Variants in SMYD4 observed in about 807,000 individuals in gnomAD.
The protein encoded by SMYD4 is protein-lysine N-methyltransferase SMYD4.
A neutral mutation model predicts 72.8 loss-of-function variants in SMYD4; 68 were observed. The ratio of observed to expected loss-of-function variants is 0.93; its 90% CI spans 0.77 to 1.14. The LOEUF (loss-of-function observed/expected upper bound fraction) is 1.14, where lower values mean the gene tolerates loss of function less well. Among genes scored for constraint, SMYD4 ranks in the 50% most tolerant of loss-of-function variants. The pLI is 0.00. For missense variants in SMYD4, 984 were observed against 1,003.7 expected (o/e 0.98, Z 0.27); for synonymous variants, 407 against 388.6 (o/e 1.05, Z -0.56).
At chr17:1,807,463 C>T (rs1042384884) in intron 3 of SMYD4, among the ~76,000 whole-genome samples, 1 of 151,416 alleles carries the variant, frequency 6.6e-6, no homozygotes, top group Non-Finnish European at 1.5e-5. Flanking sequence ...AGGGTTCAAG[C>T]GATTCTCCTG....
intron 8 of SMYD4, chr17:1,783,958 G>T: frequency 3.4e-6 from 1 of 289,952 alleles, no homozygotes. Context: ...TCTGAGGAGG[G>T]AAGAACCGCC....
At chr17:1,786,789 G>A (rs750082509) in intron 7 of SMYD4, 21 bp downstream of exon 7, 2 of 1,613,590 alleles carry the variant, frequency 1.2e-6, no homozygotes, top group Non-Finnish European at 1.7e-6. Context: ...GAAAAGTGGA[G>A]GAGACAGAAG....
rs754884796 is a variant in SMYD4 at position 1,786,813 on chromosome 17, C to T, written c.1881G>A (p.Met627Ile). 18 of 1,614,172 alleles carry T rather than the reference C, an allele frequency of 1.1e-5. No individual in the cohort carries two copies. The highest frequency in any genetic ancestry group is 1.5e-5 in the Non-Finnish European group (18 of 1,180,042). ...AGGAGACAGAAGAGAGAATTACCTG[C>T]ATGGGCGCTCCGCAACTGTTGCAAC... Reference protein sequence around the residue: ...AFCCNSCGAPMQGDDVLRCGS... With the variant: ...AFCCNSCGAPIQGDDVLRCGS... Residue 627 changes from methionine to isoleucine, a missense_variant, in exon 7 of 11, where the codon ATG becomes ATA. Transcript: ENST00000305513.
intron 6 of SMYD4, 78 bp downstream of exon 6, chr17:1,787,344 C>T (rs145403880): frequency 4.6e-4 from 691 of 1,516,858 alleles, no homozygotes; most frequent in Non-Finnish European, 5.7e-4. Context: ...AAGTCACATG[C>T]CTGGTGGCTT....
intron 3 of SMYD4, among the ~76,000 whole-genome samples, chr17:1,805,181 C>T (rs184506208): frequency 6.6e-6 from 1 of 152,076 alleles, no homozygotes; most frequent in East Asian, 1.9e-4. Context: ...CTTTGGGAGG[C>T]TGAGGCATGT....
chr17:1,799,915 C>G lies in SMYD4; in HGVS notation c.1479G>C (p.Leu493=). The G allele has an allele frequency of 1.2e-6, 2 of 1,613,724 alleles. No homozygotes were observed. The highest frequency in any genetic ancestry group is 1.1e-5 in the South Asian group (1 of 91,052). ...TACACTGAAGCTGTAACATGTGTCT[C>G]AGCATCGCCACTCCCCAAATAGTCA... The part of the protein sequence containing the change: ...PDVTIWGVAM[L]RHMLQLQCNA... The change falls in exon 5 of 11, where the codon CTG becomes CTC. Residue 493 remains leucine, a synonymous_variant. Transcript: ENST00000305513.
intron 3 of SMYD4, 134 bp downstream of exon 3, chr17:1,811,837 G>T: frequency 1.1e-6 from 1 of 884,428 alleles, no homozygotes; most frequent in Non-Finnish European, 1.7e-6. Flanking sequence ...TAAGGTGGGA[G>T]GATCGCTTGA....
intron 7 of SMYD4, 38 bp downstream of exon 7, chr17:1,786,772 C>T: frequency 8.7e-6 from 14 of 1,612,604 alleles, no homozygotes; most frequent in Non-Finnish European, 1.2e-5. Flanking sequence ...GGAAAACTGA[C>T]CTCCAGGAAA....
intron 4 of SMYD4, chr17:1,804,353 T>C (rs558426046): frequency 3.2e-6 from 1 of 315,954 alleles, no homozygotes. Context: ...ATCCCTGTAT[T>C]TTTAGTAGAG....
At chr17:1,782,868 A>AT in intron 10 of SMYD4, 167 bp downstream of exon 10, 3 of 1,123,262 alleles carry the variant, frequency 2.7e-6, no homozygotes, top group South Asian at 3.7e-5. Flanking sequence ...CCAGGAGGAA[A>AT]TTCTAAAGCG....
At chr17:1,804,336 A>G (rs34106114) in intron 4 of SMYD4, 52,250 of 296,228 alleles carry the variant, frequency 0.18, 4,913 homozygotes, top group Non-Finnish European at 0.2. Context: ...ACACCCGGCT[A>G]ATTTTTATCC....
intron 2 of SMYD4, among the ~76,000 whole-genome samples, chr17:1,817,009 T>A (rs1597394606): frequency 6.6e-6 from 1 of 151,930 alleles, no homozygotes; most frequent in African/African-American, 2.4e-5. Context: ...CTGTGGGTTA[T>A]CCTTTCACTC....
chr17:1,817,298 A>T (rs962079449), intron 2 of SMYD4, among the ~76,000 whole-genome samples: 1 of 151,684 alleles, frequency 6.6e-6, no homozygotes, highest in African/African-American at 2.4e-5. Context: ...TCAGCCTCCC[A>T]AAGTGCTGGG....
At position 1,800,107 on chromosome 17, in the gene SMYD4, C is replaced by A; in HGVS notation, c.1287G>T (p.Leu429Phe). The change falls in exon 5 of 11, where the codon TTG becomes TTT. Residue 429 changes from leucine to phenylalanine, a missense_variant. Transcript: ENST00000305513. Reference protein sequence around the residue: ...ENNYNAVFNLLPHTENHSPEH... With the variant: ...ENNYNAVFNLFPHTENHSPEH... Reference sequence around the variant, plus strand: ...CTGGGCTATGGTTTTCAGTGTGGGGCAAAAGGTTGAAGACAGCATTATAAT... The same window carrying A: ...CTGGGCTATGGTTTTCAGTGTGGGGAAAAAGGTTGAAGACAGCATTATAAT... 3 of 1,610,970 alleles carry A rather than the reference C, an allele frequency of 1.9e-6. No individual in the cohort carries two copies. Among genetic ancestry groups the A allele is most frequent in the Non-Finnish European group, 2.5e-6 (3 of 1,178,000 alleles).
chr17:1,816,227 T>C (rs1296145404), intron 2 of SMYD4, among the ~76,000 whole-genome samples: 1 of 152,200 alleles, frequency 6.6e-6, no homozygotes, highest in Non-Finnish European at 1.5e-5. Flanking sequence ...AATGTAATCA[T>C]ACATTACTTT....
At chr17:1,827,353 G>GAAAAAAAA (rs529472874) in intron 2 of SMYD4, among the ~76,000 whole-genome samples, 7 of 118,928 alleles carry the variant, frequency 5.9e-5, no homozygotes, top group South Asian at 2.6e-4. Context: ...AAGAAAAAAA[G>GAAAAAAAA]AAAAAAAAAA....
chr17:1,828,911 T>G (rs187483244), intron 1 of SMYD4, among the ~76,000 whole-genome samples: 48 of 152,210 alleles, frequency 3.2e-4, no homozygotes, highest in Admixed American at 8.5e-4. Context: ...CCCTCTCTAG[T>G]TTCTCTGAGA....
chr17:1,784,209 C>T, intron 8 of SMYD4, 117 bp downstream of exon 8: 2 of 1,488,244 alleles, frequency 1.3e-6, no homozygotes, highest in Non-Finnish European at 1.8e-6. Context: ...TTGTGGCTGG[C>T]ATGGGGATAA....
chr17:1,788,178 T>A (rs943176709), intron 5 of SMYD4, among the ~76,000 whole-genome samples: 1 of 151,262 alleles, frequency 6.6e-6, no homozygotes, highest in African/African-American at 2.4e-5. Context: ...CTAGATTTGG[T>A]CTCTAAAAAA....
Sources: gnomAD v4.1 joint callset for allele counts (sites outside exome capture counted in the v4.1 genomes callset) on GRCh38, gnomAD v4.1.1 for gene constraint, MANE v1.5 for transcripts, NCBI Gene and HGNC (gene_info 2026-07-23, HGNC 2026-07-21) for gene names.